Variants in ADAMTS3 observed in about 807,000 individuals in gnomAD.
ADAMTS3 encodes A disintegrin and metalloproteinase with thrombospondin motifs 3.
Under a neutral mutation model 129.0 loss-of-function variants are expected in ADAMTS3, and 73 were observed. The observed-to-expected ratio is 0.57, with a 90% CI of 0.47 to 0.69. ADAMTS3 has a LOEUF of 0.69. Among genes scored for constraint, ADAMTS3 ranks in the 30% least tolerant of loss-of-function variants. The pLI, the probability that ADAMTS3 is intolerant of heterozygous loss-of-function variation, is 0.00. For synonymous variants in ADAMTS3, 477 were observed against 510.8 expected, an observed-to-expected ratio of 0.93 and a Z score of 0.89; for missense variants, 1,457 against 1,514.5, an observed-to-expected ratio of 0.96 and a Z score of 0.63.
intron 3 of ADAMTS3, among the ~76,000 whole-genome samples, chr4:72,539,660 A>T (rs138334651): frequency 6.6e-6 from 1 of 152,272 alleles, no homozygotes; most frequent in African/African-American, 2.4e-5. Context: ...TACAATTCCC[A>T]TATGTCATGG....
chr4:72,326,469 T>C (rs1024552378), intron 5 of ADAMTS3, among the ~76,000 whole-genome samples: 5 of 152,060 alleles, frequency 3.3e-5, no homozygotes, highest in Admixed American at 6.6e-5. Context: ...GGCACCATAT[T>C]ATTAGATATT....
chr4:72,392,865 C>CTCTTTG (rs1721633144), intron 4 of ADAMTS3, among the ~76,000 whole-genome samples: 1 of 151,280 alleles, frequency 6.6e-6, no homozygotes, highest in Admixed American at 6.6e-5. Flanking sequence ...TTTTGATGTA[C>CTCTTTG]TCTTTGTCTT....
At chr4:72,450,978 A>AGAGAG (rs1718387023) in intron 3 of ADAMTS3, among the ~76,000 whole-genome samples, 1 of 61,688 alleles carries the variant, frequency 1.6e-5, no homozygotes, top group Admixed American at 1.2e-4. Context: ...AAAGAAGAGA[A>AGAGAG]GAGAAGAGAA....
chr4:72,316,243 G>C (rs1328548772), intron 10 of ADAMTS3, among the ~76,000 whole-genome samples: 1 of 152,038 alleles, frequency 6.6e-6, no homozygotes, highest in Admixed American at 6.6e-5. Flanking sequence ...TTTATGTTTT[G>C]TTTTTCAAAT....
At chr4:72,368,713 A>C (rs1240765034) in intron 4 of ADAMTS3, among the ~76,000 whole-genome samples, 1 of 152,246 alleles carries the variant, frequency 6.6e-6, no homozygotes, top group African/African-American at 2.4e-5. Flanking sequence ...CTTCAGAACA[A>C]GCCTAGAAAC....
chr4:72,290,450 T>C (rs939008793), intron 20 of ADAMTS3, among the ~76,000 whole-genome samples: 1 of 152,110 alleles, frequency 6.6e-6, no homozygotes, highest in Non-Finnish European at 1.5e-5. Flanking sequence ...CAAACAAGCA[T>C]GGTCTGTTTG....
intron 3 of ADAMTS3, among the ~76,000 whole-genome samples, chr4:72,429,444 C>T (rs1260062237): frequency 1.3e-5 from 2 of 151,876 alleles, no homozygotes; most frequent in Non-Finnish European, 1.5e-5. Context: ...AGGGAAAAAG[C>T]TTTAAAAGAT....
At chr4:72,489,505 A>G (rs1417817076) in intron 3 of ADAMTS3, among the ~76,000 whole-genome samples, 1 of 151,918 alleles carries the variant, frequency 6.6e-6, no homozygotes, top group Non-Finnish European at 1.5e-5. Flanking sequence ...CTTGTTAATC[A>G]TCAACATCGT....
At position 72,365,428 on chromosome 4, in the gene ADAMTS3, T is replaced by C. The variant is rs544831688; in HGVS notation, c.662-25735A>G. Among the ~76,000 whole-genome samples, 5 of 152,340 alleles carry C rather than the reference T, an allele frequency of 3.3e-5. No homozygotes were observed. In the East Asian group the frequency reaches 7.7e-4, roughly 24 times the overall value. ...TTCATGCATATCTTTATTATCAGTATAATCAAGCTGCAGTAGAGTATTATT... is the reference window on the plus strand; with the variant it reads ...TTCATGCATATCTTTATTATCAGTACAATCAAGCTGCAGTAGAGTATTATT... On this transcript the variant is annotated intron_variant, in intron 4 of 21. Transcript: ENST00000286657.
intron 3 of ADAMTS3, among the ~76,000 whole-genome samples, chr4:72,534,854 T>C (rs1264532747): frequency 6.6e-6 from 1 of 152,144 alleles, no homozygotes; most frequent in Non-Finnish European, 1.5e-5. Flanking sequence ...TTTAGATCAA[T>C]GGTTAGGGTC....
intron 15 of ADAMTS3, among the ~76,000 whole-genome samples, chr4:72,306,545 T>C (rs1159452351): frequency 6.6e-6 from 1 of 152,034 alleles, no homozygotes; most frequent in African/African-American, 2.4e-5. Context: ...ATTATTAAAA[T>C]ATTTTCATAT....
chr4:72,459,261 G>C (rs1718702323), intron 3 of ADAMTS3, among the ~76,000 whole-genome samples: 1 of 151,572 alleles, frequency 6.6e-6, no homozygotes, highest in African/African-American at 2.4e-5. Flanking sequence ...GCTCTGTGTA[G>C]AGATATTGGA....
chr4:72,298,213 G>A (rs555959085), intron 18 of ADAMTS3, 64 bp downstream of exon 18: 3 of 1,400,018 alleles, frequency 2.1e-6, no homozygotes, highest in Non-Finnish European at 2.9e-6. Flanking sequence ...AGCAATAAAG[G>A]TAGAAGCAAG....
intron 4 of ADAMTS3, among the ~76,000 whole-genome samples, chr4:72,399,346 T>C (rs1005795117): frequency 6.6e-6 from 1 of 151,894 alleles, no homozygotes; most frequent in African/African-American, 2.4e-5. Context: ...GGTAAGAGGA[T>C]TGCTTAAATC....
At chr4:72,543,289 G>A (rs1316220202) in intron 3 of ADAMTS3, among the ~76,000 whole-genome samples, 1 of 151,964 alleles carries the variant, frequency 6.6e-6, no homozygotes, top group Non-Finnish European at 1.5e-5. Context: ...CAGCTACCAT[G>A]GGGAACAGTA....
At chr4:72,427,895 TAAAG>T in intron 3 of ADAMTS3, among the ~76,000 whole-genome samples, 1 of 152,020 alleles carries the variant, frequency 6.6e-6, no homozygotes, top group South Asian at 2.1e-4. Context: ...TAAAATTCCA[TAAAG>T]AAAGGTAAAA....
At chr4:72,422,427 C>A (rs896892774) in intron 3 of ADAMTS3, among the ~76,000 whole-genome samples, 5 of 152,032 alleles carry the variant, frequency 3.3e-5, no homozygotes, top group African/African-American at 1.2e-4. Flanking sequence ...CAAAATTTAA[C>A]ACTAATTTTT....
At chr4:72,370,878 A>T (rs1720988441) in intron 4 of ADAMTS3, among the ~76,000 whole-genome samples, 1 of 152,242 alleles carries the variant, frequency 6.6e-6, no homozygotes, top group Non-Finnish European at 1.5e-5. Flanking sequence ...CTTAAATCCC[A>T]GTACCTGTAA....
intron 3 of ADAMTS3, among the ~76,000 whole-genome samples, chr4:72,488,111 A>G (rs577455545): frequency 6.6e-6 from 1 of 152,144 alleles, no homozygotes; most frequent in Non-Finnish European, 1.5e-5. Context: ...AGTGATTAGG[A>G]GTGATTAACC....
Sources: gnomAD v4.1 joint callset for allele counts (sites outside exome capture counted in the v4.1 genomes callset) on GRCh38, gnomAD v4.1.1 for gene constraint, MANE v1.5 for transcripts, NCBI Gene and HGNC (gene_info 2026-07-23, HGNC 2026-07-21) for gene names.